MAP4K4: variants seen among roughly 807,000 people sequenced by gnomAD.
The protein encoded by MAP4K4 is HPK/GCK-like kinase HGK.
A neutral mutation model predicts 189.6 loss-of-function variants in MAP4K4; 38 were observed. The observed-to-expected ratio is 0.20, with a 90% CI of 0.15 to 0.26. The LOEUF is 0.26. Among genes scored for constraint, MAP4K4 ranks in the 10% least tolerant of loss-of-function variants. MAP4K4 has a pLI of 1.00. For synonymous variants in MAP4K4, 610 were observed against 624.3 expected, an observed-to-expected ratio of 0.98 and a Z score of 0.34; for missense variants, 1,054 against 1,726.9, an observed-to-expected ratio of 0.61 and a Z score of 6.91.
intron 2 of MAP4K4, among the ~76,000 whole-genome samples, chr2:101,717,893 T>C (rs1254267510): frequency 6.6e-6 from 1 of 152,056 alleles, no homozygotes; most frequent in Non-Finnish European, 1.5e-5. Flanking sequence ...AACTATTAGT[T>C]GATTAAGCAT....
chr2:101,749,461 A>G (rs1370931241), intron 2 of MAP4K4, among the ~76,000 whole-genome samples: 1 of 150,802 alleles, frequency 6.6e-6, no homozygotes, highest in Non-Finnish European at 1.5e-5. Flanking sequence ...AGCCATATGT[A>G]GAAAGCTGAA....
chr2:101,871,455 A>G, intron 23 of MAP4K4, 39 bp from the exon 24 acceptor site: 1 of 1,482,902 alleles, frequency 6.7e-7, no homozygotes, highest in Non-Finnish European at 9.0e-7. Flanking sequence ...CAATTTTAGC[A>G]GCGCTTGAGC....
At chr2:101,783,491 A>C (rs796112948) in intron 2 of MAP4K4, among the ~76,000 whole-genome samples, 5 of 152,302 alleles carry the variant, frequency 3.3e-5, no homozygotes, top group African/African-American at 1.2e-4. Flanking sequence ...AGAAATCACT[A>C]GAATGCTAGT....
At chr2:101,724,900 T>C (rs2054364298) in intron 2 of MAP4K4, among the ~76,000 whole-genome samples, 1 of 152,236 alleles carries the variant, frequency 6.6e-6, no homozygotes, top group Admixed American at 6.5e-5. Context: ...GATTATAATA[T>C]TGTTTTTTAC....
chr2:101,866,442 G>C, exon 19 of MAP4K4: 1 of 1,612,948 alleles, frequency 6.2e-7, no homozygotes, highest in East Asian at 2.2e-5. Flanking sequence ...ATTGAGCCCA[G>C]GCTTCTGTGG....
intron 3 of MAP4K4, among the ~76,000 whole-genome samples, chr2:101,821,799 CT>C (rs2096072647): frequency 1.3e-5 from 2 of 152,186 alleles, no homozygotes; most frequent in Admixed American, 6.5e-5. Context: ...CTTTATAAAA[CT>C]TTTAGGTTCT....
At chr2:101,781,238 A>G (rs921114014) in intron 2 of MAP4K4, among the ~76,000 whole-genome samples, 2 of 152,160 alleles carry the variant, frequency 1.3e-5, no homozygotes, top group African/African-American at 4.8e-5. Context: ...AGCGACTGCA[A>G]GGCTGTTACC....
chr2:101,711,246 G>A (rs2045345263), intron 2 of MAP4K4, among the ~76,000 whole-genome samples: 1 of 152,144 alleles, frequency 6.6e-6, no homozygotes, highest in African/African-American at 2.4e-5. Context: ...TATTCACATA[G>A]TTTTTAATAA....
chr2:101,891,071 C>T, intron 32 of MAP4K4, 95 bp from the exon 33 acceptor site: 1 of 957,086 alleles, frequency 1.0e-6, no homozygotes, highest in Admixed American at 1.9e-5. Flanking sequence ...GCTTCTCGTA[C>T]TTGACAGTGT....
intron 24 of MAP4K4, among the ~76,000 whole-genome samples, chr2:101,872,592 C>T (rs1457506013): frequency 6.6e-6 from 1 of 152,128 alleles, no homozygotes; most frequent in African/African-American, 2.4e-5. Context: ...CAGAAAAATC[C>T]TCTCCTCCGG....
In MAP4K4 at chr2:101,884,345, A is replaced by G. The variant is rs192937650; in HGVS notation, c.3521-842A>G. Among the ~76,000 whole-genome samples, 13 of 152,332 alleles carry G rather than the reference A, an allele frequency of 8.5e-5. No individual in the cohort carries two copies. The East Asian group carries it at 1.4e-3, about 16-fold the overall frequency. ...AGCAATACAGATACGGAGAGTTTCT[A>G]TCATCGCAGAAGTCTATGAAACAGT... is the stretch of plus-strand genomic sequence containing the variant. On this transcript the variant is annotated intron_variant, in intron 28 of 32. Transcript: ENST00000324219.
intron 27 of MAP4K4, among the ~76,000 whole-genome samples, chr2:101,881,622 C>T (rs555104193): frequency 1.3e-5 from 2 of 152,284 alleles, no homozygotes; most frequent in South Asian, 2.1e-4. Context: ...AGGAAAGCAT[C>T]TAGTTTCTTG....
At chr2:101,793,884 G>T (rs1486705262) in intron 3 of MAP4K4, among the ~76,000 whole-genome samples, 2 of 152,136 alleles carry the variant, frequency 1.3e-5, no homozygotes, top group Non-Finnish European at 2.9e-5. Context: ...TGTGAATCTG[G>T]AAAACAAAAC....
At chr2:101,737,820 C>A (rs1409573444) in intron 2 of MAP4K4, among the ~76,000 whole-genome samples, 1 of 152,046 alleles carries the variant, frequency 6.6e-6, no homozygotes, top group Non-Finnish European at 1.5e-5. Flanking sequence ...TACTCTCTCC[C>A]CCCTCTTTCT....
intron 2 of MAP4K4, among the ~76,000 whole-genome samples, chr2:101,733,734 G>A (rs989137090): frequency 7.2e-5 from 11 of 152,224 alleles, no homozygotes; most frequent in Non-Finnish European, 1.2e-4. Flanking sequence ...AGGTAGCCTC[G>A]TGTAGTGCCA....
intron 2 of MAP4K4, among the ~76,000 whole-genome samples, chr2:101,723,521 G>A (rs971891190): frequency 1.3e-5 from 2 of 152,188 alleles, no homozygotes; most frequent in African/African-American, 4.8e-5. Flanking sequence ...CTTCTGTTGG[G>A]TTTGGCTTGA....
Position 101,708,939 on chromosome 2 carries a change from A to G in MAP4K4, c.123+10401A>G, listed in dbSNP as rs193011079. 2.7e-3 allele frequency among the ~76,000 whole-genome samples: 410 copies of G among 152,280 alleles called. 1 individual carries two copies. Among genetic ancestry groups the G allele is most frequent in the African/African-American group, 9.4e-3 (390 of 41,546 alleles). On this transcript the variant is annotated intron_variant, in intron 2 of 32. Transcript: ENST00000324219. ...GTTCTTTGTTCCTTTTTATTGCTGA[A>G]TTTTAGGCTATGGTTGTACCACATT...
At chr2:101,760,506 A>G (rs2075823399) in intron 2 of MAP4K4, among the ~76,000 whole-genome samples, 1 of 19,244 alleles carries the variant, frequency 5.2e-5, no homozygotes, top group Non-Finnish European at 1.3e-4. Context: ...AAAACAAAAT[A>G]TATATATATA....
intron 2 of MAP4K4, among the ~76,000 whole-genome samples, chr2:101,703,326 A>T (rs2040102424): frequency 6.6e-6 from 1 of 152,106 alleles, no homozygotes; most frequent in Admixed American, 6.6e-5. Context: ...TTAAGTGGGT[A>T]CACGGTTTGC....
Sources: gnomAD v4.1 joint callset for allele counts (sites outside exome capture counted in the v4.1 genomes callset) on GRCh38, gnomAD v4.1.1 for gene constraint, MANE v1.5 for transcripts, NCBI Gene and HGNC (gene_info 2026-07-23, HGNC 2026-07-21) for gene names.